The following CDKN3 variants were observed in gnomAD, a reference collection of about 807,000 sequenced individuals.
The protein encoded by CDKN3 is cyclin dependent kinase inhibitor 3, also known as cyclin-dependent kinase inhibitor 3.
Under a neutral mutation model 36.1 loss-of-function variants are expected in CDKN3, and 19 were observed. That is an observed-to-expected ratio of 0.53 (90% CI 0.37 to 0.77). The LOEUF (loss-of-function observed/expected upper bound fraction) is 0.77. Among genes scored for constraint, CDKN3 ranks in the 30% least tolerant of loss-of-function variants. The pLI is 0.00. For synonymous variants in CDKN3, 71 were observed against 85.3 expected (o/e 0.83, Z 0.92); for missense variants, 188 against 248.6 (o/e 0.76, Z 1.64).
At chr14:54,400,773 T>C (rs1053227636) in intron 2 of CDKN3, among the ~76,000 whole-genome samples, 1 of 152,244 alleles carries the variant, frequency 6.6e-6, no homozygotes, top group African/African-American at 2.4e-5. Context: ...AGGTGGTATT[T>C]AGATGATGCC....
intron 3 of CDKN3, among the ~76,000 whole-genome samples, chr14:54,404,054 A>C (rs1399333925): frequency 2.6e-5 from 4 of 152,206 alleles, no homozygotes; most frequent in African/African-American, 9.7e-5. Context: ...GCCTCATAAA[A>C]TGAGTTAGGG....
chr14:54,413,737 T>C lies in CDKN3; in HGVS notation c.416+2031T>C, dbSNP rs1013831231. 19 of 1,525,678 alleles carry C rather than the reference T, an allele frequency of 1.2e-5. No homozygotes were observed. In the African/African-American group the frequency reaches 1.8e-4, roughly 14 times the overall value. The allele number at this position is 1,525,678 out of a possible 1,614,324, so 94.5% of individuals were successfully genotyped here. A position where few individuals can be genotyped will look rare whatever the true frequency, so the allele number is the denominator to read the frequency against. On this transcript the variant is annotated intron_variant, in intron 5 of 7. Coordinates refer to ENST00000335183, the MANE Select transcript of CDKN3 (RefSeq NM_005192.4). ...ATCTGGTAAACCTTTTTCACTGACC[T>C]GTTGTCTACCAGTGCTGTCTCACTG...
chr14:54,401,453 G>T, intron 2 of CDKN3, 71 bp from the exon 3 acceptor site: 1 of 1,034,876 alleles, frequency 9.7e-7, no homozygotes, highest in South Asian at 1.4e-5. Flanking sequence ...CACCCATATT[G>T]ATTAAACTGA....
At chr14:54,415,088 A>T (rs2030494440) in intron 5 of CDKN3, among the ~76,000 whole-genome samples, 1 of 152,102 alleles carries the variant, frequency 6.6e-6, no homozygotes, top group Non-Finnish European at 1.5e-5. Flanking sequence ...CTCTAAGTAC[A>T]TTAGGAAGCA....
intron 3 of CDKN3, among the ~76,000 whole-genome samples, chr14:54,406,590 G>T (rs2030167519): frequency 6.6e-6 from 1 of 151,440 alleles, no homozygotes; most frequent in Non-Finnish European, 1.5e-5. Context: ...CATTAAGTTG[G>T]TCTCCAATCT....
intron 5 of CDKN3, chr14:54,413,848 G>A: frequency 2.9e-6 from 4 of 1,376,492 alleles, no homozygotes; most frequent in Non-Finnish European, 3.7e-6. Flanking sequence ...TGGGGCTATT[G>A]TAACAAAGTA....
At chr14:54,418,538 G>T (rs1213568019) in intron 7 of CDKN3, 1 of 380,064 alleles carries the variant, frequency 2.6e-6, no homozygotes, top group Non-Finnish European at 4.7e-6. Context: ...TTACTGAAAA[G>T]ATTCTGCAGA....
chr14:54,410,582 T>C (rs569643884), intron 4 of CDKN3, among the ~76,000 whole-genome samples: 22 of 152,306 alleles, frequency 1.4e-4, no homozygotes, highest in African/African-American at 4.6e-4. Flanking sequence ...ATACAGGTAA[T>C]GTTTTATTTA....
Position 54,413,937 on chromosome 14 carries a change from G to C in CDKN3, c.417-1962G>C. On this transcript the variant is annotated intron_variant, in intron 5 of 7. Coordinates refer to ENST00000335183, the MANE Select transcript of CDKN3 (RefSeq NM_005192.4). The stretch of plus-strand genomic sequence containing the variant: ...GGATGTAAGTCCAAAATTAAGATGA[G>C]AGCAGAGCCATGCCCTCTGAGACTG... 3 of 676,438 alleles carry C rather than the reference G, an allele frequency of 4.4e-6. No individual in the cohort carries two copies. In the South Asian group the frequency reaches 8.4e-5, roughly 19 times the overall value. The allele number at this position is 676,438 out of a possible 1,614,324, so 41.9% of individuals were successfully genotyped here. A position where few individuals can be genotyped will look rare whatever the true frequency, so the allele number is the denominator to read the frequency against.
chr14:54,417,710 TA>T, intron 6 of CDKN3, 137 bp from the exon 7 acceptor site: 1 of 517,876 alleles, frequency 1.9e-6, no homozygotes, highest in Non-Finnish European at 3.5e-6. Context: ...AAACACACAC[TA>T]AAAGTCTCAG....
At position 54,416,544 on chromosome 14, in the gene CDKN3, G is replaced by A. The variant is rs146965756; in HGVS notation, c.448+614G>A. On this transcript the variant is annotated intron_variant, in intron 6 of 7. Coordinates refer to ENST00000335183, the MANE Select transcript of CDKN3 (RefSeq NM_005192.4). ...CAGTAATAAAGATAGGCCGGGCGTC[G>A]TGGCTCATGCCTGTAATCTCAGCAC... is the stretch of plus-strand genomic sequence containing the variant. Among the ~76,000 whole-genome samples, 235 of 152,272 alleles carry A rather than the reference G, an allele frequency of 1.5e-3. 1 individual carries two copies. The highest frequency in any genetic ancestry group is 7.5e-3 in the South Asian group (36 of 4,824).
rs545500573 is a variant in CDKN3, at chr14:54,406,127, G to C, written c.149-2618G>C. ...AGTTTGGCTGGATATGAAATTCTGG[G>C]TTGAAAATTATTTTCTTTAAGAATG... On this transcript the variant is annotated intron_variant, in intron 3 of 7. Coordinates refer to ENST00000335183, the MANE Select transcript of CDKN3 (RefSeq NM_005192.4). Among the ~76,000 whole-genome samples, 3 of 152,264 alleles carry C rather than the reference G, an allele frequency of 2.0e-5. No homozygotes were observed. The South Asian group carries it at 6.2e-4, about 32-fold the overall frequency.
intron 6 of CDKN3, 112 bp downstream of exon 6, chr14:54,416,042 A>G (rs542480920): frequency 4.9e-6 from 4 of 814,144 alleles, no homozygotes; most frequent in East Asian, 5.1e-5. Context: ...TAAGTTTGCT[A>G]AGACTCAAAG....
At chr14:54,399,997 A>G in intron 2 of CDKN3, 21 bp downstream of exon 2, 4 of 1,072,980 alleles carry the variant, frequency 3.7e-6, no homozygotes, top group Non-Finnish European at 5.8e-6. Flanking sequence ...ATTTCTGATC[A>G]ATGATGAGCT....
intron 5 of CDKN3, among the ~76,000 whole-genome samples, chr14:54,414,842 C>T (rs1034290362): frequency 2.6e-5 from 4 of 151,804 alleles, no homozygotes; most frequent in Admixed American, 6.6e-5. Flanking sequence ...AGCCATCATG[C>T]CCAGCCTCTC....
intron 3 of CDKN3, among the ~76,000 whole-genome samples, chr14:54,406,645 G>A (rs1364445520): frequency 6.6e-6 from 1 of 151,688 alleles, no homozygotes. Context: ...ATTGATACTT[G>A]TGTATGCATC....
intron 3 of CDKN3, 129 bp from the exon 4 acceptor site, chr14:54,408,616 C>G: frequency 9.9e-7 from 1 of 1,014,402 alleles, no homozygotes. Context: ...AATTCATATT[C>G]AAAATATAAT....
intron 3 of CDKN3, chr14:54,408,509 C>G (rs1020437411): frequency 2.3e-6 from 1 of 430,154 alleles, no homozygotes; most frequent in African/African-American, 2.1e-5. Context: ...AGGCTGAGGA[C>G]TACAACCAGG....
chr14:54,406,016 C>T (rs2030142853), intron 3 of CDKN3, among the ~76,000 whole-genome samples: 2 of 152,152 alleles, frequency 1.3e-5, no homozygotes, highest in Non-Finnish European at 2.9e-5. Flanking sequence ...TTCAGGAGCT[C>T]TTGTAAGGCA....
Sources: gnomAD v4.1 joint callset for allele counts (sites outside exome capture counted in the v4.1 genomes callset) on GRCh38, gnomAD v4.1.1 for gene constraint, MANE v1.5 for transcripts, NCBI Gene and HGNC (gene_info 2026-07-23, HGNC 2026-07-21) for gene names.